The following KLHL29 variants were observed in gnomAD, a reference collection of about 807,000 sequenced individuals.
KLHL29 encodes the protein kelch-like protein 29.
KLHL29 carries 21 observed loss-of-function variants against 80.4 expected under a neutral mutation model. That is an observed-to-expected ratio of 0.26 (90% CI 0.19 to 0.38). The LOEUF (loss-of-function observed/expected upper bound fraction) is 0.38, where lower values mean the gene tolerates loss of function less well. KLHL29 is among the 10% of genes least tolerant of loss of function. The pLI, the probability that KLHL29 is intolerant of heterozygous loss-of-function variation, is 1.00. For synonymous variants in KLHL29, 511 were observed against 526.8 expected (o/e 0.97, Z 0.41); for missense variants, 867 against 1,223.9 (o/e 0.71, Z 4.35).
intron 2 of KLHL29, among the ~76,000 whole-genome samples, chr2:23,484,384 G>A (rs113568594): frequency 7.1e-4 from 108 of 152,330 alleles, no homozygotes; most frequent in Non-Finnish European, 1.2e-3. Flanking sequence ...AGATAAAAGT[G>A]TCTGGCTCGT....
At chr2:23,685,672 C>T (rs1671223589) in intron 6 of KLHL29, among the ~76,000 whole-genome samples, 1 of 152,216 alleles carries the variant, frequency 6.6e-6, no homozygotes, top group Non-Finnish European at 1.5e-5. Context: ...TTTGGGACTT[C>T]CCATCTCATG....
intron 1 of KLHL29, among the ~76,000 whole-genome samples, chr2:23,427,234 G>A (rs1206608898): frequency 6.6e-6 from 1 of 152,180 alleles, no homozygotes; most frequent in Admixed American, 6.5e-5. Flanking sequence ...ATTCTGGGCT[G>A]AATATTTTTG....
intron 2 of KLHL29, among the ~76,000 whole-genome samples, chr2:23,554,649 G>A (rs894288267): frequency 2.6e-5 from 4 of 152,158 alleles, no homozygotes; most frequent in Admixed American, 6.5e-5. Context: ...CCTCCATCCC[G>A]CCCATGAGCT....
chr2:23,530,330 G>A (rs112560489), intron 2 of KLHL29, among the ~76,000 whole-genome samples: 2 of 152,164 alleles, frequency 1.3e-5, no homozygotes, highest in Non-Finnish European at 2.9e-5. Flanking sequence ...GTTCCATCAC[G>A]CTGGAATGTT....
At position 23,671,052 on chromosome 2, in the gene KLHL29, A is replaced by T. The variant is rs1238948733; in HGVS notation, c.941-13347A>T. 4.5e-5 allele frequency among the ~76,000 whole-genome samples: 2 copies of T among 44,214 alleles called. 1 individual carries two copies. Among genetic ancestry groups the T allele is most frequent in the Admixed American group, 6.0e-4 (2 of 3,332 alleles). The allele number at this position is 44,214 out of a possible 152,430, so 29.0% of individuals were successfully genotyped here. A position where few individuals can be genotyped will look rare whatever the true frequency, so the allele number is the denominator to read the frequency against. On this transcript the variant is annotated intron_variant, in intron 5 of 13. Coordinates refer to ENST00000486442, the MANE Select transcript of KLHL29 (RefSeq NM_052920.2). Reference sequence around the variant, plus strand: ...CTAACCTCACATCCTCCCAGCTGTGACTCCTCCCTGGATGGGATTCGCAGT... The same window carrying T: ...CTAACCTCACATCCTCCCAGCTGTGTCTCCTCCCTGGATGGGATTCGCAGT...
intron 3 of KLHL29, among the ~76,000 whole-genome samples, chr2:23,565,108 G>A (rs1419147103): frequency 2.0e-5 from 3 of 152,172 alleles, no homozygotes; most frequent in African/African-American, 7.2e-5. Context: ...GACAGAACCT[G>A]GCATGTGGTA....
Position 23,684,631 on chromosome 2 carries a change from G to A in KLHL29, c.1079+94G>A, listed in dbSNP as rs1306136510. 4 of 1,128,068 alleles carry A rather than the reference G, an allele frequency of 3.5e-6. No individual in the cohort carries two copies. The highest frequency in any genetic ancestry group is 2.8e-5 in the East Asian group (1 of 35,926). The allele number at this position is 1,128,068 out of a possible 1,614,324, so 69.9% of individuals were successfully genotyped here. ...CCCCTCTCTTGCAGGTTCCTGAAGC[G>A]TGACTCCCTGTCACAGAGCCAGTAG... On this transcript the variant is annotated intron_variant, in intron 6 of 13. Coordinates refer to ENST00000486442, the MANE Select transcript of KLHL29 (RefSeq NM_052920.2). This position sits in a 1 kb window ranked among gnomAD's most constrained non-coding sequence, Gnocchi z 4.4.
At chr2:23,549,544 G>A (rs1404452488) in intron 2 of KLHL29, among the ~76,000 whole-genome samples, 2 of 152,154 alleles carry the variant, frequency 1.3e-5, no homozygotes, top group African/African-American at 2.4e-5. Context: ...ATCAAGATAG[G>A]GTAGCAGCTC....
chr2:23,632,788 C>T (rs1669503312), intron 3 of KLHL29, among the ~76,000 whole-genome samples: 6 of 152,210 alleles, frequency 3.9e-5, no homozygotes, highest in Admixed American at 3.9e-4. Context: ...CCCACGTGCT[C>T]CCAAATCCCC....
intron 2 of KLHL29, among the ~76,000 whole-genome samples, chr2:23,556,225 C>T (rs775365593): frequency 2.0e-5 from 3 of 152,136 alleles, no homozygotes; most frequent in African/African-American, 7.2e-5. Context: ...AGGCTCCAGA[C>T]TTGAATCTGG....
At chr2:23,622,398 ATCTC>A (rs1669204951) in intron 3 of KLHL29, among the ~76,000 whole-genome samples, 1 of 152,058 alleles carries the variant, frequency 6.6e-6, no homozygotes, top group Admixed American at 6.5e-5. Context: ...ACAGCATGTG[ATCTC>A]TCTGAGTTGC....
chr2:23,399,927 C>A (rs1355435833), intron 1 of KLHL29, among the ~76,000 whole-genome samples: 1 of 152,206 alleles, frequency 6.6e-6, no homozygotes, highest in Admixed American at 6.5e-5. Flanking sequence ...ACTAGTACTC[C>A]ATCCCATACA....
intron 2 of KLHL29, among the ~76,000 whole-genome samples, chr2:23,499,348 G>A (rs1433123639): frequency 1.3e-5 from 2 of 152,128 alleles, no homozygotes. Flanking sequence ...AGCTACCACT[G>A]CTTACAGGAA....
chr2:23,527,666 A>G (rs1666367697), intron 2 of KLHL29, among the ~76,000 whole-genome samples: 1 of 152,222 alleles, frequency 6.6e-6, no homozygotes, highest in Non-Finnish European at 1.5e-5. Flanking sequence ...CTCGAGTTCC[A>G]AAACACGCAG....
intron 3 of KLHL29, among the ~76,000 whole-genome samples, chr2:23,600,041 T>C (rs1264950021): frequency 6.6e-6 from 1 of 152,138 alleles, no homozygotes; most frequent in Non-Finnish European, 1.5e-5. Context: ...TGTTTAAATG[T>C]GAGGCTAGGG....
chr2:23,689,555 C>A (rs995460555), intron 6 of KLHL29: 1 of 152,510 alleles, frequency 6.6e-6, no homozygotes, highest in African/African-American at 2.4e-5. Flanking sequence ...TCCCCCTGGG[C>A]TCAGCCCTTC....
chr2:23,539,269 A>G (rs1666764975), intron 2 of KLHL29, among the ~76,000 whole-genome samples: 1 of 152,156 alleles, frequency 6.6e-6, no homozygotes, highest in Admixed American at 6.5e-5. Context: ...TGTACTGCAG[A>G]ATATTTTATC....
chr2:23,488,696 A>G (rs190321970), intron 2 of KLHL29, among the ~76,000 whole-genome samples: 2 of 152,376 alleles, frequency 1.3e-5, no homozygotes, highest in African/African-American at 4.8e-5. Flanking sequence ...AGACAGAATC[A>G]CAAGTGTAGG....
At position 23,696,642 on chromosome 2, in the gene KLHL29, G is replaced by T. The variant is rs1317687484; in HGVS notation, c.2105+129G>T. On this transcript the variant is annotated intron_variant, in intron 11 of 13. Transcript: ENST00000486442. This position sits in a 1 kb window ranked among gnomAD's most constrained non-coding sequence, Gnocchi z 5.5. ...AGAGCCTGGACCATTCATATGGGCAGTCATCCCAGGCTCTTCAGTCACAGC... is the reference window on the plus strand; with the variant it reads ...AGAGCCTGGACCATTCATATGGGCATTCATCCCAGGCTCTTCAGTCACAGC... The T allele has an allele frequency of 1.3e-5, 9 of 704,424 alleles. No homozygotes were observed. The highest frequency in any genetic ancestry group is 3.6e-5 in the African/African-American group (2 of 55,044). 43.6% of individuals were successfully genotyped at this position (704,424 alleles called of 1,614,324 possible).
Sources: allele counts gnomAD v4.1 joint callset (sites outside exome capture counted in the v4.1 genomes callset), GRCh38; gene constraint gnomAD v4.1.1; non-coding constraint Gnocchi (gnomAD v3.1); transcripts MANE v1.5; gene names NCBI Gene and HGNC (gene_info 2026-07-23, HGNC 2026-07-21).